SLC24A4: variants seen among roughly 807,000 people sequenced by gnomAD.
The protein encoded by SLC24A4 is sodium/potassium/calcium exchanger 4.
In SLC24A4, 53 loss-of-function variants were observed where a neutral mutation model predicts 79.0. The observed-to-expected ratio is 0.67, with a 90% CI of 0.54 to 0.84. SLC24A4 has a LOEUF of 0.84. Ranked by LOEUF, SLC24A4 falls within the 40% of genes least tolerant of loss-of-function variation. The pLI is 0.00. For missense variants in SLC24A4, 731 were observed against 822.0 expected (o/e 0.89, Z 1.35); for synonymous variants, 323 against 323.8 (o/e 1.00, Z 0.03).
chr14:92,493,705 C>T lies in SLC24A4; in HGVS notation c.*77C>T. ...TTCTCCTCTCCCCTCCTTCCCCCAC[C>T]ACAGGTCTCTCCTGCATAGGCAGCC... is the stretch of plus-strand genomic sequence containing the variant. On this transcript the variant is annotated 3_prime_UTR_variant, in exon 17 of 17. Transcript: ENST00000532405. The T allele has an allele frequency of 6.6e-7, 1 of 1,511,516 alleles. No homozygotes were observed. The allele number at this position is 1,511,516 out of a possible 1,614,324, so 93.6% of individuals were successfully genotyped here.
intron 2 of SLC24A4, among the ~76,000 whole-genome samples, chr14:92,346,004 G>A (rs1366056608): frequency 6.6e-6 from 1 of 152,132 alleles, no homozygotes; most frequent in Non-Finnish European, 1.5e-5. Context: ...AGGTGTTTGG[G>A]GAGGTCTCTG....
chr14:92,367,730 G>A (rs1391372752), intron 2 of SLC24A4, among the ~76,000 whole-genome samples: 1 of 152,228 alleles, frequency 6.6e-6, no homozygotes, highest in Admixed American at 6.5e-5. Flanking sequence ...ATGCCGTAAC[G>A]ACTCCAAACC....
At chr14:92,474,863 A>T (rs201455365) in intron 12 of SLC24A4, among the ~76,000 whole-genome samples, 19,564 of 56,948 alleles carry the variant, frequency 0.34, 4,791 homozygotes, top group Middle Eastern at 0.49. Flanking sequence ...ATATATATAT[A>T]TTTTTTTTTT....
chr14:92,331,543 A>G (rs113611836), intron 2 of SLC24A4, among the ~76,000 whole-genome samples: 12,973 of 152,224 alleles, frequency 0.085, 599 homozygotes, highest in Non-Finnish European at 0.098. Flanking sequence ...TTGGCCTCCC[A>G]AAGTGCTGGG....
At chr14:92,420,903 T>C (rs748451147) in intron 2 of SLC24A4, among the ~76,000 whole-genome samples, 1 of 152,176 alleles carries the variant, frequency 6.6e-6, no homozygotes, top group Non-Finnish European at 1.5e-5. Flanking sequence ...TGTGGTCTTG[T>C]TTCCTGGGAT....
chr14:92,484,710 C>G, intron 13 of SLC24A4: 8 of 985,354 alleles, frequency 8.1e-6, no homozygotes, highest in Non-Finnish European at 9.6e-6. Flanking sequence ...TTCAAGTCCC[C>G]CAGAACCTCA....
Position 92,453,935 on chromosome 14 carries a change from G to A in SLC24A4, c.916G>A (p.Val306Met). The A allele has an allele frequency of 1.2e-6, 2 of 1,613,404 alleles. No homozygotes were observed. Among genetic ancestry groups the A allele is most frequent in the South Asian group, 1.1e-5 (1 of 90,874 alleles). ...EKPQYGKNPV[V>M]MVDEIMSSSP... is the part of the protein sequence containing the mutation. Reference sequence around the variant, plus strand: ...GCCACAGTATGGCAAGAACCCCGTGGTGATGGTGGACGAGATTATGAGCTC... The same window carrying A: ...GCCACAGTATGGCAAGAACCCCGTGATGATGGTGGACGAGATTATGAGCTC... The change falls in exon 11 of 17, where the codon GTG becomes ATG. Residue 306 changes from valine to methionine, a missense_variant. By Grantham distance (21) the Val-to-Met change is conservative. Transcript: ENST00000532405.
At chr14:92,403,127 G>T (rs749696161) in intron 2 of SLC24A4, among the ~76,000 whole-genome samples, 29 of 152,134 alleles carry the variant, frequency 1.9e-4, no homozygotes, top group Non-Finnish European at 2.9e-4. Flanking sequence ...TGCTTCTGAA[G>T]CACTGAGGCA....
intron 13 of SLC24A4, among the ~76,000 whole-genome samples, chr14:92,486,405 A>C (rs1233916899): frequency 6.6e-6 from 1 of 152,158 alleles, no homozygotes; most frequent in Non-Finnish European, 1.5e-5. Flanking sequence ...AGCAGGGTTC[A>C]TGTGGCATCC....
At position 92,325,897 on chromosome 14, in the gene SLC24A4, G is replaced by T. The variant is rs775879923; in HGVS notation, c.160G>T (p.Val54Phe). Residue 54 changes from valine to phenylalanine, a missense_variant, in exon 2 of 17, where the codon GTC becomes TTC. Coordinates refer to ENST00000532405, the MANE Select transcript of SLC24A4 (RefSeq NM_153646.4). ...CAAAACAGCTTCTGCTAGCAAACGT[G>T]TCCTGCCAGACACGTGGAGAAATAG... ...GHKTASASKRVLPDTWRNRKL... is the reference protein window; with the variant it reads ...GHKTASASKRFLPDTWRNRKL... The T allele has an allele frequency of 3.4e-5, 54 of 1,611,818 alleles. No individual in the cohort carries two copies. The highest frequency in any genetic ancestry group is 4.6e-5 in the Non-Finnish European group (54 of 1,178,988).
At position 92,494,540 on chromosome 14, in the gene SLC24A4, A is replaced by G. The variant is rs1595370368; in HGVS notation, c.*912A>G. ...TATAGTTTACAGCTGTACTTTCCAG[A>G]TCTTCTATGTGACACAATGCACTGT... On this transcript the variant is annotated 3_prime_UTR_variant, in exon 17 of 17. Coordinates refer to ENST00000532405, the MANE Select transcript of SLC24A4 (RefSeq NM_153646.4). The surrounding 1 kb of genome is among the most constrained non-coding windows in gnomAD (Gnocchi z 4.6). 6.6e-6 allele frequency: 1 copy of G among 152,348 alleles called. No individual in the cohort carries two copies. The highest frequency in any genetic ancestry group is 1.9e-4 in the East Asian group (1 of 5,184). 9.4% of individuals were successfully genotyped at this position (152,348 alleles called of 1,614,324 possible). A position where few individuals can be genotyped will look rare whatever the true frequency, so the allele number is the denominator to read the frequency against.
chr14:92,483,705 C>T (rs1198567003), intron 13 of SLC24A4: 3 of 667,448 alleles, frequency 4.5e-6, no homozygotes. Context: ...AATGGGGTCC[C>T]TTCTTCTCCT....
At chr14:92,348,471 G>A (rs1886670217) in intron 2 of SLC24A4, among the ~76,000 whole-genome samples, 1 of 152,194 alleles carries the variant, frequency 6.6e-6, no homozygotes, top group South Asian at 2.1e-4. Flanking sequence ...AATGTGTTGC[G>A]ATAAAACTTT....
At chr14:92,460,360 C>G (rs1893730831) in intron 12 of SLC24A4, among the ~76,000 whole-genome samples, 1 of 152,166 alleles carries the variant, frequency 6.6e-6, no homozygotes, top group Non-Finnish European at 1.5e-5. Context: ...TGCACTGTGT[C>G]TGGCACACAG....
chr14:92,343,584 CTTTCTTT>C (rs1886294729), intron 2 of SLC24A4, among the ~76,000 whole-genome samples: 2 of 67,552 alleles, frequency 3.0e-5, no homozygotes, highest in South Asian at 1.1e-3. Flanking sequence ...TTACTGTTTT[CTTTCTTT>C]CTTTCTTTCT....
intron 2 of SLC24A4, among the ~76,000 whole-genome samples, chr14:92,330,639 T>C (rs1444663739): frequency 6.6e-6 from 1 of 152,236 alleles, no homozygotes; most frequent in African/African-American, 2.4e-5. Flanking sequence ...TTTCTCATGG[T>C]TGTGGAGGCT....
At chr14:92,338,362 G>A (rs1885937017) in intron 2 of SLC24A4, among the ~76,000 whole-genome samples, 1 of 152,234 alleles carries the variant, frequency 6.6e-6, no homozygotes, top group African/African-American at 2.4e-5. Context: ...TTGCCTGACT[G>A]TAATAGATGC....
intron 1 of SLC24A4, 125 bp downstream of exon 1, chr14:92,324,085 C>A: frequency 7.6e-7 from 1 of 1,309,176 alleles, no homozygotes; most frequent in Non-Finnish European, 1.0e-6. Context: ...TCATCCAGTC[C>A]CCTCCCCGCC....
At chr14:92,352,178 A>G (rs866985118) in intron 2 of SLC24A4, among the ~76,000 whole-genome samples, 2 of 152,190 alleles carry the variant, frequency 1.3e-5, no homozygotes, top group Admixed American at 6.5e-5. Flanking sequence ...ACAAGGAGCT[A>G]TGAATGAGAG....
Sources: allele counts gnomAD v4.1 joint callset (sites outside exome capture counted in the v4.1 genomes callset), GRCh38; gene constraint gnomAD v4.1.1; non-coding constraint Gnocchi (gnomAD v3.1); transcripts MANE v1.5; gene names NCBI Gene and HGNC (gene_info 2026-07-23, HGNC 2026-07-21).